The following DCDC2 variants were observed in gnomAD, a reference collection of about 807,000 sequenced individuals.
DCDC2 encodes doublecortin domain-containing protein 2.
In DCDC2, 40 loss-of-function variants were observed where a neutral mutation model predicts 50.2. The ratio of observed to expected loss-of-function variants is 0.80; its 90% CI spans 0.62 to 1.04. The LOEUF is 1.04. Among genes scored for constraint, DCDC2 ranks in the 50% least tolerant of loss-of-function variants. The pLI, the probability that DCDC2 is intolerant of heterozygous loss-of-function variation, is 0.00. For synonymous variants in DCDC2, 234 were observed against 210.6 expected (o/e 1.11, Z -0.96); for missense variants, 570 against 581.9 (o/e 0.98, Z 0.21).
intron 7 of DCDC2, among the ~76,000 whole-genome samples, chr6:24,263,156 C>T (rs1581619008): frequency 6.6e-6 from 1 of 152,382 alleles, no homozygotes; most frequent in East Asian, 1.9e-4. Context: ...CCAAGAGTCA[C>T]AGCATTACTC....
chr6:24,197,948 T>C (rs1342178839), intron 8 of DCDC2, among the ~76,000 whole-genome samples: 1 of 152,186 alleles, frequency 6.6e-6, no homozygotes, highest in East Asian at 1.9e-4. Flanking sequence ...TAGCTGACTT[T>C]TATTTCTTCC....
At chr6:24,252,529 T>A (rs1272831546) in intron 7 of DCDC2, among the ~76,000 whole-genome samples, 11 of 152,148 alleles carry the variant, frequency 7.2e-5, no homozygotes, top group Admixed American at 7.2e-4. Context: ...AATGAAATCA[T>A]GTGAAAACAT....
At chr6:24,180,584 G>A (rs13191535) in intron 8 of DCDC2, among the ~76,000 whole-genome samples, 73,418 of 151,426 alleles carry the variant, frequency 0.48, 19,801 homozygotes, top group Non-Finnish European at 0.59. Context: ...CACCATGCCC[G>A]GCCCAGGGTT....
At chr6:24,195,202 A>C (rs964524852) in intron 8 of DCDC2, among the ~76,000 whole-genome samples, 2 of 152,182 alleles carry the variant, frequency 1.3e-5, no homozygotes. Flanking sequence ...CATGAGACCA[A>C]TGAGTCAGTG....
At chr6:24,179,476 A>C (rs1412272783) in intron 8 of DCDC2, among the ~76,000 whole-genome samples, 1 of 130,758 alleles carries the variant, frequency 7.6e-6, no homozygotes. Flanking sequence ...TGAACCCAGG[A>C]GGCAGAGCTT....
upstream of DCDC2, among the ~76,000 whole-genome samples, chr6:24,359,160 TTATATATTTTA>T (rs1331910212): frequency 9.1e-4 from 60 of 66,234 alleles, no homozygotes; most frequent in South Asian, 1.3e-3. Flanking sequence ...TTTATATATT[TTATATATTTTA>T]TATATATTTT....
intron 7 of DCDC2, among the ~76,000 whole-genome samples, chr6:24,212,951 G>C (rs1035295642): frequency 3.3e-5 from 5 of 152,102 alleles, no homozygotes; most frequent in Non-Finnish European, 5.9e-5. Context: ...TAGCTTTTCT[G>C]CAACTAGGAC....
At chr6:24,374,577 CAAAAAAAAAAAAA>C in the DCDC2 span, among the ~76,000 whole-genome samples, 1 of 57,472 alleles carries the variant, frequency 1.7e-5, no homozygotes, top group Non-Finnish European at 2.9e-5. Context: ...AGACTCCATC[CAAAAAAAAAAAAA>C]AAAAAAAAAT....
chr6:24,261,650 T>C (rs954657330), intron 7 of DCDC2, among the ~76,000 whole-genome samples: 1 of 152,070 alleles, frequency 6.6e-6, no homozygotes, highest in Non-Finnish European at 1.5e-5. Context: ...TTTTCAATAA[T>C]ATCCTTCCTT....
chr6:24,344,922 T>A (rs1209277058), intron 2 of DCDC2, among the ~76,000 whole-genome samples: 1 of 152,192 alleles, frequency 6.6e-6, no homozygotes, highest in African/African-American at 2.4e-5. Flanking sequence ...GGGGAAAAGG[T>A]ATAAAATAAA....
intron 7 of DCDC2, among the ~76,000 whole-genome samples, chr6:24,228,559 T>G (rs12197537): frequency 0.11 from 17,101 of 152,242 alleles, 1,077 homozygotes; most frequent in Middle Eastern, 0.16. Flanking sequence ...TTTTTGGTAT[T>G]TTTCAAGCTG....
chr6:24,318,013 A>G (rs1046986747), intron 2 of DCDC2, among the ~76,000 whole-genome samples: 4 of 151,938 alleles, frequency 2.6e-5, no homozygotes, highest in African/African-American at 9.7e-5. Flanking sequence ...GTTTTTTAAG[A>G]CAGTAGAAAC....
intron 7 of DCDC2, among the ~76,000 whole-genome samples, chr6:24,210,585 A>T (rs1324535157): frequency 6.6e-6 from 1 of 152,168 alleles, no homozygotes; most frequent in Non-Finnish European, 1.5e-5. Flanking sequence ...ATTTATTTCT[A>T]TCTCCACTCC....
chr6:24,369,215 C>T, the DCDC2 span, among the ~76,000 whole-genome samples: 1 of 151,060 alleles, frequency 6.6e-6, no homozygotes, highest in African/African-American at 2.4e-5. Flanking sequence ...GCATTATAAG[C>T]CCCTTTTGTT....
intron 7 of DCDC2, among the ~76,000 whole-genome samples, chr6:24,237,733 G>A (rs990082961): frequency 2.2e-4 from 34 of 152,232 alleles, no homozygotes; most frequent in Admixed American, 5.2e-4. Flanking sequence ...GGAAAACAAT[G>A]CAGCCATAAA....
intron 2 of DCDC2, among the ~76,000 whole-genome samples, chr6:24,343,814 A>ATATTTCAAACTATTTGGTATTT (rs1163603704): frequency 1.3e-5 from 2 of 152,208 alleles, no homozygotes; most frequent in African/African-American, 4.8e-5. Flanking sequence ...GAATAGTTTG[A>ATATTTCAAACTATTTGGTATTT]TATTTCAACT....
rs1005667086 is a variant in DCDC2 at position 24,172,670 on chromosome 6, C to G, written c.*2060G>C. On this transcript the variant is annotated 3_prime_UTR_variant, in exon 10 of 10. Transcript: ENST00000378454. ...ACTATTTGAAATCATTAACTCCAGA[C>G]CCAGTAATAGTGCACAAATTTAATA... 6.6e-6 allele frequency: 1 copy of G among 152,024 alleles called. No individual in the cohort carries two copies. Among genetic ancestry groups the G allele is most frequent in the African/African-American group, 2.4e-5 (1 of 41,374 alleles). 9.4% of individuals were successfully genotyped at this position (152,024 alleles called of 1,614,324 possible). A position where few individuals can be genotyped will look rare whatever the true frequency, so the allele number is the denominator to read the frequency against.
At chr6:24,339,167 T>C (rs1232909139) in intron 2 of DCDC2, among the ~76,000 whole-genome samples, 1 of 151,982 alleles carries the variant, frequency 6.6e-6, no homozygotes, top group Non-Finnish European at 1.5e-5. Flanking sequence ...CCTGCAATGC[T>C]CTTCCTCCTT....
chr6:24,181,238 T>C (rs1761064308), intron 8 of DCDC2, among the ~76,000 whole-genome samples: 1 of 152,198 alleles, frequency 6.6e-6, no homozygotes, highest in South Asian at 2.1e-4. Flanking sequence ...GCAAAAGATT[T>C]ATGAACATAA....
Sources: allele counts gnomAD v4.1 joint callset (sites outside exome capture counted in the v4.1 genomes callset), GRCh38; gene constraint gnomAD v4.1.1; transcripts MANE v1.5; gene names NCBI Gene and HGNC (gene_info 2026-07-23, HGNC 2026-07-21).